The following LINGO2 variants were observed in gnomAD, a reference collection of about 807,000 sequenced individuals.
LINGO2 encodes the protein leucine rich repeat and Ig domain containing 2.
LINGO2 carries 14 observed loss-of-function variants against 30.6 expected under a neutral mutation model. The observed-to-expected ratio is 0.46, with a 90% CI of 0.30 to 0.72. LINGO2 has a LOEUF of 0.72. Ranked by LOEUF, LINGO2 falls within the 30% of genes least tolerant of loss-of-function variation. The pLI is 0.07. For missense variants in LINGO2, 729 were observed against 751.7 expected, an observed-to-expected ratio of 0.97 and a Z score of 0.35; for synonymous variants, 317 against 288.5, an observed-to-expected ratio of 1.10 and a Z score of -1.00.
At chr9:29,051,302 C>A in the LINGO2 span, among the ~76,000 whole-genome samples, 1 of 152,134 alleles carries the variant, frequency 6.6e-6, no homozygotes, top group African/African-American at 2.4e-5. Flanking sequence ...CTGTTCATTG[C>A]TCCCTCCCCA....
chr9:28,330,659 T>C (rs1355566171), intron 3 of LINGO2, among the ~76,000 whole-genome samples: 1 of 152,198 alleles, frequency 6.6e-6, no homozygotes, highest in Admixed American at 6.6e-5. Flanking sequence ...TCTGTTATTG[T>C]GAATTACTGA....
At chr9:28,848,045 G>GTATATA in the LINGO2 span, among the ~76,000 whole-genome samples, 1 of 17,816 alleles carries the variant, frequency 5.6e-5, no homozygotes, top group Non-Finnish European at 1.1e-4. Context: ...ACTATATATA[G>GTATATA]TATATATATA....
intron 4 of LINGO2, among the ~76,000 whole-genome samples, chr9:28,069,419 T>C (rs1825407751): frequency 6.6e-6 from 1 of 152,176 alleles, no homozygotes; most frequent in South Asian, 2.1e-4. Flanking sequence ...GGAGCTATTA[T>C]GGGAAGAGCA....
the LINGO2 span, among the ~76,000 whole-genome samples, chr9:29,150,778 T>C: frequency 5.3e-5 from 8 of 152,214 alleles, no homozygotes; most frequent in African/African-American, 1.2e-4. Context: ...CAATGATTCA[T>C]TGACATTCCT....
At chr9:28,668,270 C>T (rs1828878560) in intron 1 of LINGO2, among the ~76,000 whole-genome samples, 1 of 151,678 alleles carries the variant, frequency 6.6e-6, no homozygotes, top group South Asian at 2.1e-4. Context: ...TATCTGTAGG[C>T]AAAAGAAAAG....
chr9:28,787,643 C>T, the LINGO2 span, among the ~76,000 whole-genome samples: 1 of 152,060 alleles, frequency 6.6e-6, no homozygotes, highest in Non-Finnish European at 1.5e-5. Flanking sequence ...ATCTGTTTCA[C>T]ATTTAGAATC....
chr9:28,926,464 A>G, the LINGO2 span, among the ~76,000 whole-genome samples: 2 of 152,240 alleles, frequency 1.3e-5, no homozygotes, highest in Admixed American at 6.5e-5. Context: ...CATCACCTCA[A>G]TTAACCCCTA....
At chr9:29,149,763 G>A in the LINGO2 span, among the ~76,000 whole-genome samples, 1 of 152,116 alleles carries the variant, frequency 6.6e-6, no homozygotes, top group African/African-American at 2.4e-5. Context: ...TTGATACATG[G>A]GGCAGCTGCA....
At chr9:28,261,199 G>C (rs1040623604) in intron 4 of LINGO2, among the ~76,000 whole-genome samples, 3 of 151,872 alleles carry the variant, frequency 2.0e-5, no homozygotes, top group Admixed American at 1.3e-4. Context: ...TTATTAAAAT[G>C]ATAAGCATAA....
chr9:28,190,436 A>C (rs2133772057), intron 4 of LINGO2, among the ~76,000 whole-genome samples: 1 of 152,222 alleles, frequency 6.6e-6, no homozygotes, highest in Middle Eastern at 3.4e-3. Context: ...CCCCTAGTGT[A>C]ATGGTATTAG....
chr9:28,848,083 C>CACTATATATAGTGTATATAT, the LINGO2 span, among the ~76,000 whole-genome samples: 2 of 60,020 alleles, frequency 3.3e-5, no homozygotes, highest in African/African-American at 1.7e-4. Context: ...TATATATACA[C>CACTATATATAGTGTATATAT]ACTATATATA....
chr9:27,992,217 G>T (rs986093664), intron 5 of LINGO2, among the ~76,000 whole-genome samples: 7 of 151,904 alleles, frequency 4.6e-5, no homozygotes, highest in Non-Finnish European at 1.0e-4. Flanking sequence ...TAAACATTTT[G>T]ACTTTATATA....
At chr9:28,675,480 TA>T in the LINGO2 span, among the ~76,000 whole-genome samples, 1 of 152,140 alleles carries the variant, frequency 6.6e-6, no homozygotes, top group Non-Finnish European at 1.5e-5. Flanking sequence ...AAAGGATGGT[TA>T]TTAAAATGCA....
chr9:28,988,918 G>A, the LINGO2 span, among the ~76,000 whole-genome samples: 22 of 152,166 alleles, frequency 1.4e-4, no homozygotes, highest in Admixed American at 1.2e-3. Flanking sequence ...TCAAAACTAT[G>A]TTCTGGTCTA....
At chr9:28,290,576 G>T (rs1450033985) in intron 4 of LINGO2, among the ~76,000 whole-genome samples, 2 of 151,832 alleles carry the variant, frequency 1.3e-5, no homozygotes, top group African/African-American at 4.8e-5. Flanking sequence ...TGGGAACTCA[G>T]TCTGAAATCC....
chr9:28,031,709 T>C (rs1046440807), intron 4 of LINGO2, among the ~76,000 whole-genome samples: 3 of 152,184 alleles, frequency 2.0e-5, no homozygotes, highest in African/African-American at 7.2e-5. Context: ...TTATTGTTTG[T>C]CCAGGGCTGA....
chr9:29,194,317 C>T, the LINGO2 span, among the ~76,000 whole-genome samples: 1 of 152,130 alleles, frequency 6.6e-6, no homozygotes, highest in South Asian at 2.1e-4. Flanking sequence ...CAGGAGGCCA[C>T]AGGCTGTCCC....
chr9:28,816,340 C>T, the LINGO2 span, among the ~76,000 whole-genome samples: 1,129 of 152,240 alleles, frequency 7.4e-3, 9 homozygotes, highest in Non-Finnish European at 0.012. Context: ...CCTGAATCAG[C>T]GAGAAAAATG....
chr9:28,267,416 C>G (rs756425302), intron 4 of LINGO2, among the ~76,000 whole-genome samples: 1 of 151,988 alleles, frequency 6.6e-6, no homozygotes, highest in Non-Finnish European at 1.5e-5. Context: ...AACATTCACA[C>G]CCAGAATGAA....
Sources: gnomAD v4.1 joint callset for allele counts (sites outside exome capture counted in the v4.1 genomes callset) on GRCh38, gnomAD v4.1.1 for gene constraint, MANE v1.5 for transcripts, NCBI Gene and HGNC (gene_info 2026-07-23, HGNC 2026-07-21) for gene names.